The following CERK variants were observed in gnomAD, a reference collection of about 807,000 sequenced individuals.
CERK encodes acylsphingosine kinase.
CERK carries 39 observed loss-of-function variants against 63.4 expected under a neutral mutation model. That is an observed-to-expected ratio of 0.61 (90% CI 0.48 to 0.80). CERK has a LOEUF of 0.80. Ranked by LOEUF, CERK falls within the 30% of genes least tolerant of loss-of-function variation. The pLI is 0.00. For synonymous variants in CERK, 302 were observed against 280.0 expected, an observed-to-expected ratio of 1.08 and a Z score of -0.78; for missense variants, 670 against 714.1, an observed-to-expected ratio of 0.94 and a Z score of 0.70.
intron 10 of CERK, among the ~76,000 whole-genome samples, chr22:46,692,816 A>T (rs929784163): frequency 4.0e-5 from 6 of 151,274 alleles, no homozygotes; most frequent in Non-Finnish European, 7.4e-5. Flanking sequence ...GAGGGAGGAG[A>T]ATCGCTTGAA....
intron 5 of CERK, among the ~76,000 whole-genome samples, chr22:46,708,952 G>A (rs367779243): frequency 1.3e-5 from 2 of 152,272 alleles, no homozygotes; most frequent in South Asian, 4.1e-4. Flanking sequence ...ATTCCCCAGT[G>A]GGTCTGTCTG....
rs1315540228 is a variant in CERK, at chr22:46,694,010, T to C, written c.1050-507A>G. 4.0e-5 allele frequency among the ~76,000 whole-genome samples: 6 copies of C among 150,310 alleles called. 1 individual carries two copies. In the East Asian group the frequency reaches 1.2e-3, roughly 29 times the overall value. ...GGATTCACGCTGTCAAACAGGACAC[T>C]GTTTGCACTGATGGAAATCGCTCAT... On this transcript the variant is annotated intron_variant, in intron 9 of 12. Transcript: ENST00000216264.
chr22:46,717,557 G>A (rs767723817), intron 3 of CERK, among the ~76,000 whole-genome samples: 7 of 152,246 alleles, frequency 4.6e-5, no homozygotes, highest in Non-Finnish European at 7.3e-5. Flanking sequence ...ATGTTGAGCC[G>A]AGAGCCAGGC....
chr22:46,724,095 C>T (rs999730716), intron 1 of CERK, among the ~76,000 whole-genome samples: 8 of 152,174 alleles, frequency 5.3e-5, no homozygotes, highest in African/African-American at 1.4e-4. Context: ...TAAGACAGCA[C>T]GACTGATCCC....
chr22:46,738,079 T>C lies in CERK; in HGVS notation c.70A>G (p.Ser24Gly). The C allele has an allele frequency of 7.8e-7, 1 of 1,278,206 alleles. No homozygotes were observed. Among genetic ancestry groups the C allele is most frequent in the Non-Finnish European group, 9.9e-7 (1 of 1,005,768 alleles). The allele number at this position is 1,278,206 out of a possible 1,614,324, so 79.2% of individuals were successfully genotyped here. The change falls in exon 1 of 13, where the codon AGC becomes GGC. Residue 24 changes from serine (S) to glycine (G), a missense_variant. Transcript: ENST00000216264. ...AGCAGAGCCCGCGCGGGCTCCAGGC[T>C]CACGGCGCAGCGCTGCTGCTTCACC... ...LWVKQQRCAV[S>G]LEPARALLRW...
At position 46,738,125 on chromosome 22, in the gene CERK, C is replaced by G. The variant is rs1218597460; in HGVS notation, c.24G>C (p.Glu8Asp). The G allele has an allele frequency of 4.3e-5, 53 of 1,237,110 alleles. No homozygotes were observed. The highest frequency in any genetic ancestry group is 5.3e-5 in the Non-Finnish European group (52 of 984,840). The allele number at this position is 1,237,110 out of a possible 1,614,324, so 76.6% of individuals were successfully genotyped here. A position where few individuals can be genotyped will look rare whatever the true frequency, so the allele number is the denominator to read the frequency against. Reference protein sequence around the residue: MGATGAAEPLQSVLWVKQ... With the variant: MGATGAADPLQSVLWVKQ... Reference sequence around the variant, plus strand: ...TCACCCACAGCACGGATTGCAGCGGCTCCGCCGCCCCCGTCGCCCCCATCT... The same window carrying G: ...TCACCCACAGCACGGATTGCAGCGGGTCCGCCGCCCCCGTCGCCCCCATCT... The change falls in exon 1 of 13, where the codon GAG becomes GAC. Residue 8 changes from glutamate to aspartate, a missense_variant. Coordinates refer to ENST00000216264, the MANE Select transcript of CERK (RefSeq NM_022766.6).
chr22:46,720,218 A>T lies in CERK; in HGVS notation c.257-10T>A. 1 of 1,607,424 alleles carries T rather than the reference A, an allele frequency of 6.2e-7. No individual in the cohort carries two copies. Among genetic ancestry groups the T allele is most frequent in the Non-Finnish European group, 8.5e-7 (1 of 1,175,626 alleles). On this transcript the variant is annotated splice_polypyrimidine_tract_variant and intron_variant, in intron 2 of 12. Transcript: ENST00000216264. ...CTCTTTACACAGTGAACTGCACAGA[A>T]GCAAGCATGCTCGTTAGTGCAAAGT... is the stretch of plus-strand genomic sequence containing the variant.
intron 6 of CERK, 28 bp from the exon 7 acceptor site, chr22:46,701,738 T>C: frequency 1.3e-6 from 2 of 1,525,484 alleles, no homozygotes; most frequent in South Asian, 2.4e-5. Context: ...AGGTCCCAAA[T>C]AGCATCAGAA....
At chr22:46,703,012 G>A (rs2082795261) in intron 6 of CERK, among the ~76,000 whole-genome samples, 1 of 152,150 alleles carries the variant, frequency 6.6e-6, no homozygotes, top group Non-Finnish European at 1.5e-5. Flanking sequence ...CAGGGGGGTT[G>A]CTCCCAGGAC....
chr22:46,687,266 G>A, intron 12 of CERK, 60 bp from the exon 13 acceptor site: 1 of 1,338,896 alleles, frequency 7.5e-7, no homozygotes, highest in Non-Finnish European at 1.0e-6. Context: ...GCTGGCCTGA[G>A]CCCCACTCCT....
intron 1 of CERK, among the ~76,000 whole-genome samples, chr22:46,722,024 G>C (rs2082895082): frequency 6.6e-6 from 1 of 152,210 alleles, no homozygotes; most frequent in Non-Finnish European, 1.5e-5. Flanking sequence ...GAGAGCATGG[G>C]ATTGAAGACA....
intron 1 of CERK, among the ~76,000 whole-genome samples, chr22:46,730,411 A>G (rs2082939866): frequency 6.6e-6 from 1 of 152,130 alleles, no homozygotes; most frequent in Admixed American, 6.6e-5. Context: ...ACAGAGTGAC[A>G]GTCTATCTCA....
intron 1 of CERK, among the ~76,000 whole-genome samples, chr22:46,724,730 C>A (rs943936350): frequency 4.6e-5 from 7 of 152,164 alleles, no homozygotes; most frequent in Non-Finnish European, 8.8e-5. Flanking sequence ...GCCAAAAAGG[C>A]TGGGCTCAGC....
intron 3 of CERK, among the ~76,000 whole-genome samples, chr22:46,718,892 G>A (rs2082878568): frequency 6.6e-6 from 1 of 151,952 alleles, no homozygotes; most frequent in Admixed American, 6.6e-5. Context: ...TGGGCAATAT[G>A]GCAAAACCCT....
At chr22:46,733,256 T>C (rs1404041864) in intron 1 of CERK, among the ~76,000 whole-genome samples, 2 of 151,186 alleles carry the variant, frequency 1.3e-5, no homozygotes. Flanking sequence ...TCCTATTTGT[T>C]GCAAATATCA....
intron 1 of CERK, among the ~76,000 whole-genome samples, chr22:46,726,188 G>C (rs180684341): frequency 6.6e-6 from 1 of 152,362 alleles, no homozygotes; most frequent in Non-Finnish European, 1.5e-5. Flanking sequence ...ACCTCACGCA[G>C]CCGTCGGGAG....
At chr22:46,693,654 A>G in intron 9 of CERK, 151 bp from the exon 10 acceptor site, 1 of 628,718 alleles carries the variant, frequency 1.6e-6, no homozygotes, top group Non-Finnish European at 2.8e-6. Context: ...TATTAATTAG[A>G]GGTTTCAGAA....
Position 46,738,009 on chromosome 22 carries a change from G to T in CERK, c.140C>A (p.Ala47Glu). The change falls in exon 1 of 13, where the codon GCG (alanine) becomes GAG (glutamate). Residue 47 changes from alanine (A) to glutamate (E), a missense_variant and splice_region_variant. Physicochemically the swap from Ala to Glu is moderately radical, Grantham distance 107. Coordinates refer to ENST00000216264, the MANE Select transcript of CERK (RefSeq NM_022766.6). ...SPGPGAGAPG[A>E]DACSVPVSEI... ...ACCCGGGCGGCGGCGACACTCACCC[G>T]CGCCGGGGGCGCCGGCTCCGGGCCC... is the stretch of plus-strand genomic sequence containing the variant. The T allele has an allele frequency of 8.5e-7, 1 of 1,181,192 alleles. No homozygotes were observed. Among genetic ancestry groups the T allele is most frequent in the Non-Finnish European group, 1.0e-6 (1 of 958,088 alleles). The allele number at this position is 1,181,192 out of a possible 1,614,324, so 73.2% of individuals were successfully genotyped here. A position where few individuals can be genotyped will look rare whatever the true frequency, so the allele number is the denominator to read the frequency against.
rs1054129671 is a variant in CERK, at chr22:46,686,833, C to T, written c.*301G>A. On this transcript the variant is annotated 3_prime_UTR_variant, in exon 13 of 13. Transcript: ENST00000216264. ...AACATTATTGCAATAGAGCCACTAA[C>T]GGGCCATTTTCTAAACTACACTGTT... 10 of 340,662 alleles carry T rather than the reference C, an allele frequency of 2.9e-5. No individual in the cohort carries two copies. Among genetic ancestry groups the T allele is most frequent in the Admixed American group, 2.1e-4 (5 of 23,290 alleles). 21.1% of individuals were successfully genotyped at this position (340,662 alleles called of 1,614,324 possible). A position where few individuals can be genotyped will look rare whatever the true frequency, so the allele number is the denominator to read the frequency against.
Sources: allele counts gnomAD v4.1 joint callset (sites outside exome capture counted in the v4.1 genomes callset), GRCh38; gene constraint gnomAD v4.1.1; transcripts MANE v1.5; gene names NCBI Gene and HGNC (gene_info 2026-07-23, HGNC 2026-07-21).